BRD1: variants seen among roughly 807,000 people sequenced by gnomAD.
The protein encoded by BRD1 is bromodomain-containing protein 1.
BRD1 carries 24 observed loss-of-function variants against 107.7 expected under a neutral mutation model. The ratio of observed to expected loss-of-function variants is 0.22; its 90% CI spans 0.16 to 0.31. BRD1 has a LOEUF of 0.31. Ranked by LOEUF, BRD1 falls within the 10% of genes least tolerant of loss-of-function variation. The pLI is 1.00. For synonymous variants in BRD1, 744 were observed against 686.1 expected (o/e 1.08, Z -1.32); for missense variants, 1,279 against 1,638.6 (o/e 0.78, Z 3.79).
chr22:49,801,807 A>G (rs1388332627), intron 3 of BRD1, among the ~76,000 whole-genome samples: 1 of 152,132 alleles, frequency 6.6e-6, no homozygotes, highest in African/African-American at 2.4e-5. Flanking sequence ...TCTTCTTTGC[A>G]ACCCTCCCCC....
intron 8 of BRD1, among the ~76,000 whole-genome samples, chr22:49,786,266 G>C (rs2059321841): frequency 6.6e-6 from 1 of 152,218 alleles, no homozygotes; most frequent in Non-Finnish European, 1.5e-5. Flanking sequence ...GGCAACCTGA[G>C]CCGGCACCTC....
chr22:49,818,468 T>A (rs2059999754), intron 2 of BRD1: 1 of 919,636 alleles, frequency 1.1e-6, no homozygotes, highest in Admixed American at 4.8e-5. Context: ...AAACCCTGTT[T>A]GTCTTTTCAC....
chr22:49,774,545 C>T, intron 12 of BRD1, 129 bp from the exon 13 acceptor site: 1 of 1,056,648 alleles, frequency 9.5e-7, no homozygotes, highest in Non-Finnish European at 1.4e-6. Flanking sequence ...ACCAAGACAG[C>T]TGGGCCCCGT....
At chr22:49,800,732 T>C (rs2059625055) in intron 3 of BRD1, among the ~76,000 whole-genome samples, 1 of 152,124 alleles carries the variant, frequency 6.6e-6, no homozygotes, top group East Asian at 1.9e-4. Flanking sequence ...GGATCAAGGT[T>C]CCTTACTCGG....
At chr22:49,826,615 C>A (rs1203227819) in intron 1 of BRD1, among the ~76,000 whole-genome samples, 2 of 152,252 alleles carry the variant, frequency 1.3e-5, no homozygotes, top group Admixed American at 1.3e-4. Flanking sequence ...GGCCACGCGC[C>A]GGGCCTCTCG....
chr22:49,809,546 A>C (rs1279812271), intron 2 of BRD1, among the ~76,000 whole-genome samples: 1 of 149,048 alleles, frequency 6.7e-6, no homozygotes, highest in African/African-American at 2.5e-5. Context: ...GTCTCCAAAA[A>C]AAATATATAT....
chr22:49,814,617 C>T (rs949891502), intron 2 of BRD1, among the ~76,000 whole-genome samples: 1 of 152,232 alleles, frequency 6.6e-6, no homozygotes, highest in African/African-American at 2.4e-5. Flanking sequence ...AGTCCCTGCT[C>T]TCTTTATTTT....
chr22:49,793,514 C>A (rs1474503516), intron 7 of BRD1, among the ~76,000 whole-genome samples: 1 of 152,220 alleles, frequency 6.6e-6, no homozygotes, highest in African/African-American at 2.4e-5. Flanking sequence ...ACCCTCGGGG[C>A]AGACAAGGCC....
chr22:49,804,476 T>A, intron 2 of BRD1, 116 bp from the exon 3 acceptor site: 1 of 1,218,426 alleles, frequency 8.2e-7, no homozygotes, highest in Non-Finnish European at 1.1e-6. Flanking sequence ...TTTTTCTCCC[T>A]AAGCCATGAC....
chr22:49,812,088 G>A (rs1473729535), intron 2 of BRD1, among the ~76,000 whole-genome samples: 5 of 150,522 alleles, frequency 3.3e-5, no homozygotes, highest in Admixed American at 2.6e-4. Flanking sequence ...CCTATGGCAA[G>A]GAGCACAGTC....
At chr22:49,815,175 A>G (rs2059926231) in intron 2 of BRD1, among the ~76,000 whole-genome samples, 2 of 152,212 alleles carry the variant, frequency 1.3e-5, no homozygotes, top group African/African-American at 2.4e-5. Context: ...CCAGTGAGAA[A>G]CGCAGCCCAT....
intron 2 of BRD1, among the ~76,000 whole-genome samples, chr22:49,814,795 T>C (rs541935075): frequency 2.6e-5 from 4 of 152,272 alleles, no homozygotes; most frequent in Admixed American, 6.5e-5. Context: ...TGCCCCGCTG[T>C]CCCCAGTAGT....
In BRD1 at chr22:49,792,922, T is replaced by C. The variant is rs913350662; in HGVS notation, c.2359+1112A>G. 1.3e-5 allele frequency among the ~76,000 whole-genome samples: 2 copies of C among 152,168 alleles called. No individual in the cohort carries two copies. Among genetic ancestry groups the C allele is most frequent in the Non-Finnish European group, 2.9e-5 (2 of 68,032 alleles). On this transcript the variant is annotated intron_variant, in intron 7 of 12. Coordinates refer to ENST00000404760, the MANE Select transcript of BRD1 (RefSeq NM_001304808.3). This position sits in a 1 kb window ranked among gnomAD's most constrained non-coding sequence, Gnocchi z 4.2. ...CTGAGACCATGGGGACCCGCTGACC[T>C]GTGTGGCATCATGAAGACACTGCGT...
intron 8 of BRD1, among the ~76,000 whole-genome samples, chr22:49,778,610 G>A (rs998935978): frequency 6.6e-6 from 1 of 152,244 alleles, no homozygotes; most frequent in African/African-American, 2.4e-5. Context: ...ACAACGGGGG[G>A]ATGATGTTCC....
chr22:49,827,086 CCTGT>C (rs1425806232), intron 1 of BRD1, among the ~76,000 whole-genome samples: 1 of 152,076 alleles, frequency 6.6e-6, no homozygotes, highest in African/African-American at 2.4e-5. Flanking sequence ...GCTCGGCGGG[CCTGT>C]CTGTTACATA....
At chr22:49,809,552 T>A (rs60153941) in intron 2 of BRD1, among the ~76,000 whole-genome samples, 27,193 of 142,786 alleles carry the variant, frequency 0.19, 4,559 homozygotes, top group African/African-American at 0.45. Flanking sequence ...AAAAAAAATA[T>A]ATATATATAT....
chr22:49,775,882 A>G (rs2146909674), intron 11 of BRD1, 137 bp from the exon 12 acceptor site: 1 of 802,524 alleles, frequency 1.2e-6, no homozygotes, highest in Non-Finnish European at 1.6e-6. Context: ...CCCCTCGCCG[A>G]ACCACCCCTG....
intron 2 of BRD1, among the ~76,000 whole-genome samples, chr22:49,816,919 G>A (rs1165523385): frequency 1.3e-5 from 2 of 152,246 alleles, no homozygotes; most frequent in Non-Finnish European, 2.9e-5. Context: ...TATACCACCT[G>A]TGGGTGACCT....
chr22:49,813,277 A>G (rs2147291440), intron 2 of BRD1, among the ~76,000 whole-genome samples: 1 of 152,168 alleles, frequency 6.6e-6, no homozygotes, highest in South Asian at 2.1e-4. Flanking sequence ...GCTGGAGTGC[A>G]GTGGCATGAT....
Sources: gnomAD v4.1 joint callset for allele counts (sites outside exome capture counted in the v4.1 genomes callset) on GRCh38, gnomAD v4.1.1 for gene constraint, Gnocchi (gnomAD v3.1) non-coding constraint, MANE v1.5 for transcripts, NCBI Gene and HGNC (gene_info 2026-07-23, HGNC 2026-07-21) for gene names.